Variants in PRKCA observed in about 807,000 individuals in gnomAD.
PRKCA encodes the protein protein kinase C alpha type.
A neutral mutation model predicts 87.0 loss-of-function variants in PRKCA; 27 were observed. The observed-to-expected ratio is 0.31, with a 90% CI of 0.23 to 0.43. The LOEUF (loss-of-function observed/expected upper bound fraction) is 0.43. Among genes scored for constraint, PRKCA ranks in the 20% least tolerant of loss-of-function variants. The pLI, the probability that PRKCA is intolerant of heterozygous loss-of-function variation, is 1.00. For synonymous variants in PRKCA, 329 were observed against 311.1 expected (o/e 1.06, Z -0.61); for missense variants, 518 against 852.3 (o/e 0.61, Z 4.88).
At chr17:66,566,918 A>C (rs1968922287) in intron 3 of PRKCA, among the ~76,000 whole-genome samples, 1 of 152,172 alleles carries the variant, frequency 6.6e-6, no homozygotes, top group Non-Finnish European at 1.5e-5. Context: ...GTTTGGGGCA[A>C]GATGCTTAAT....
chr17:66,692,632 C>T (rs548768543), intron 8 of PRKCA, among the ~76,000 whole-genome samples: 7 of 152,090 alleles, frequency 4.6e-5, no homozygotes, highest in African/African-American at 1.7e-4. Context: ...CCTCTTTGAG[C>T]CCCCACCCCG....
At chr17:66,553,029 C>T (rs1282632913) in intron 3 of PRKCA, among the ~76,000 whole-genome samples, 1 of 151,560 alleles carries the variant, frequency 6.6e-6, no homozygotes, top group Non-Finnish European at 1.5e-5. Flanking sequence ...TTGCTGGTGC[C>T]AGAGTGCAGT....
rs373223529 is a variant in PRKCA at position 66,673,791 on chromosome 17, G to A, written c.530-13320G>A. Reference sequence around the variant, plus strand: ...TTCCTGAAATCTAGAGAAGTTCCACGTGATCACTATTTAACCAAGAGCAAA... The same window carrying A: ...TTCCTGAAATCTAGAGAAGTTCCACATGATCACTATTTAACCAAGAGCAAA... On this transcript the variant is annotated intron_variant, in intron 5 of 16. Transcript: ENST00000413366. Among the ~76,000 whole-genome samples, 33 of 152,306 alleles carry A rather than the reference G, an allele frequency of 2.2e-4. 1 individual carries two copies. In the South Asian group the frequency reaches 5.4e-3, roughly 25 times the overall value.
chr17:66,369,896 G>A (rs1392498261), intron 2 of PRKCA, among the ~76,000 whole-genome samples: 1 of 152,210 alleles, frequency 6.6e-6, no homozygotes, highest in African/African-American at 2.4e-5. Flanking sequence ...CGAGCAGCCT[G>A]TTTGCATCAC....
At chr17:66,763,583 C>T (rs904725060) in intron 13 of PRKCA, among the ~76,000 whole-genome samples, 1 of 152,130 alleles carries the variant, frequency 6.6e-6, no homozygotes, top group African/African-American at 2.4e-5. Context: ...TGTAATTTTT[C>T]CATCAAAATG....
intron 16 of PRKCA, among the ~76,000 whole-genome samples, chr17:66,790,192 TC>T (rs1482580441): frequency 2.0e-5 from 3 of 152,236 alleles, no homozygotes; most frequent in African/African-American, 4.8e-5. Flanking sequence ...AGCAGCAACT[TC>T]CTCACCATGT....
intron 9 of PRKCA, among the ~76,000 whole-genome samples, chr17:66,734,767 G>A (rs1973984220): frequency 6.6e-6 from 1 of 152,086 alleles, no homozygotes; most frequent in African/African-American, 2.4e-5. Context: ...TCAAATGCCT[G>A]CGACATTAGG....
intron 5 of PRKCA, among the ~76,000 whole-genome samples, chr17:66,660,910 A>AAAAT (rs138045134): frequency 0.15 from 22,946 of 150,844 alleles, 2,209 homozygotes; most frequent in Non-Finnish European, 0.21. Context: ...CGCTGTCTTA[A>AAAAT]AAATAAATTA....
At chr17:66,501,494 G>A (rs555154800) in intron 3 of PRKCA, among the ~76,000 whole-genome samples, 1 of 152,320 alleles carries the variant, frequency 6.6e-6, no homozygotes, top group Non-Finnish European at 1.5e-5. Flanking sequence ...ACCAACGTTA[G>A]CGGTGAGCTC....
chr17:66,783,561 T>TC (rs1222481734), intron 14 of PRKCA, among the ~76,000 whole-genome samples: 1 of 152,162 alleles, frequency 6.6e-6, no homozygotes, highest in East Asian at 1.9e-4. Context: ...CAAAGCTGGT[T>TC]CCCATGCCAG....
At chr17:66,699,997 CA>C (rs1463992449) in intron 8 of PRKCA, among the ~76,000 whole-genome samples, 6 of 152,214 alleles carry the variant, frequency 3.9e-5, no homozygotes, top group African/African-American at 9.6e-5. Context: ...CAGGCAAGGA[CA>C]TGACAAGAAA....
At chr17:66,443,015 C>T (rs1322773044) in intron 2 of PRKCA, among the ~76,000 whole-genome samples, 2 of 152,150 alleles carry the variant, frequency 1.3e-5, no homozygotes, top group Non-Finnish European at 2.9e-5. Flanking sequence ...TTTTGGTTAT[C>T]ATCTGACGTT....
intron 3 of PRKCA, among the ~76,000 whole-genome samples, chr17:66,616,678 C>A (rs534619050): frequency 1.3e-5 from 2 of 152,306 alleles, no homozygotes; most frequent in South Asian, 2.1e-4. Flanking sequence ...TTAGTGGAGT[C>A]TACACTGCAG....
chr17:66,512,344 A>G (rs1917269178), intron 3 of PRKCA, among the ~76,000 whole-genome samples: 1 of 152,104 alleles, frequency 6.6e-6, no homozygotes, highest in African/African-American at 2.4e-5. Flanking sequence ...CAGGTGGCTG[A>G]GGCAGGAGAA....
intron 2 of PRKCA, among the ~76,000 whole-genome samples, chr17:66,456,278 T>G (rs1346572913): frequency 6.6e-6 from 1 of 152,216 alleles, no homozygotes; most frequent in East Asian, 1.9e-4. Flanking sequence ...CTTGTGGTAC[T>G]TTGCTGGGGC....
intron 3 of PRKCA, among the ~76,000 whole-genome samples, chr17:66,502,642 A>G (rs1035447586): frequency 6.8e-6 from 1 of 147,798 alleles, no homozygotes; most frequent in African/African-American, 2.5e-5. Context: ...ACAATGTACA[A>G]CTCCCCCTGC....
intron 2 of PRKCA, among the ~76,000 whole-genome samples, chr17:66,418,744 C>T (rs115135438): frequency 2.7e-5 from 4 of 150,290 alleles, no homozygotes; most frequent in South Asian, 2.1e-4. Context: ...CCGGTTTCAG[C>T]GTTTTTCTTT....
rs182729418 is a variant in PRKCA at position 66,331,731 on chromosome 17, A to G, written c.205+25604A>G. ...TATCTTAAGAGGTGGGGACAGGGGA[A>G]GTGGAGCGACCGAGAGAAGGGTTGG... On this transcript the variant is annotated intron_variant, in intron 2 of 16. Transcript: ENST00000413366. 5.5e-4 allele frequency among the ~76,000 whole-genome samples: 84 copies of G among 152,340 alleles called. 1 individual carries two copies. The highest frequency in any genetic ancestry group is 5.0e-3 in the South Asian group (24 of 4,824).
chr17:66,546,130 A>G (rs1490894662), intron 3 of PRKCA, among the ~76,000 whole-genome samples: 2 of 152,186 alleles, frequency 1.3e-5, no homozygotes, highest in African/African-American at 4.8e-5. Flanking sequence ...ATTTAATTGC[A>G]GTCTTTACAC....
Sources: gnomAD v4.1 joint callset for allele counts (sites outside exome capture counted in the v4.1 genomes callset) on GRCh38, gnomAD v4.1.1 for gene constraint, MANE v1.5 for transcripts, NCBI Gene and HGNC (gene_info 2026-07-23, HGNC 2026-07-21) for gene names.